Variants in SNX29 observed in about 807,000 individuals in gnomAD.
SNX29 encodes the protein sorting nexin 29.
A neutral mutation model predicts 102.1 loss-of-function variants in SNX29; 78 were observed. That is an observed-to-expected ratio of 0.76 (90% confidence interval 0.64 to 0.92). SNX29 has a LOEUF of 0.92. Ranked by LOEUF, SNX29 falls within the 40% of genes least tolerant of loss-of-function variation. The probability of loss-of-function intolerance (pLI) is 0.00; values close to 1 mark genes in which losing one functional copy is unlikely to be tolerated. For missense variants in SNX29, 1,280 were observed against 1,061.7 expected (o/e 1.21, Z -2.86); for synonymous variants, 580 against 414.5 (o/e 1.40, Z -4.85).
intron 7 of SNX29, among the ~76,000 whole-genome samples, chr16:12,049,736 G>C (rs1400018417): frequency 1.3e-5 from 2 of 151,762 alleles, no homozygotes; most frequent in Non-Finnish European, 2.9e-5. Flanking sequence ...GATTCCTTTG[G>C]GACATTAAGA....
intron 18 of SNX29, among the ~76,000 whole-genome samples, chr16:12,476,365 A>T (rs2087597002): frequency 4.9e-5 from 1 of 20,506 alleles, no homozygotes; most frequent in African/African-American, 1.7e-4. Context: ...AAAAAAAAAA[A>T]AAAAAAAAAA....
chr16:12,161,995 C>A (rs1567265806), intron 13 of SNX29, among the ~76,000 whole-genome samples: 2 of 152,298 alleles, frequency 1.3e-5, no homozygotes, highest in African/African-American at 4.8e-5. Flanking sequence ...TGTCGGCCCC[C>A]GAATCCCTCA....
intron 19 of SNX29, among the ~76,000 whole-genome samples, chr16:12,522,667 GTGCCTGA>G (rs2090144683): frequency 6.6e-6 from 1 of 152,148 alleles, no homozygotes; most frequent in South Asian, 2.1e-4. Context: ...CACGTAAGAT[GTGCCTGA>G]GTCCCCTTTG....
intron 16 of SNX29, chr16:12,375,614 C>G (rs1457270287): frequency 1.3e-5 from 2 of 152,232 alleles, no homozygotes; most frequent in African/African-American, 2.4e-5. Context: ...CAGTTACTCT[C>G]CAGCTGTTGA....
At chr16:12,170,393 A>C (rs1242263643) in intron 13 of SNX29, among the ~76,000 whole-genome samples, 5 of 152,006 alleles carry the variant, frequency 3.3e-5, no homozygotes, top group Non-Finnish European at 5.9e-5. Context: ...ATCCAGACCC[A>C]TGGAGCAAAG....
intron 13 of SNX29, among the ~76,000 whole-genome samples, chr16:12,175,365 GGGCATGGT>G (rs1225275877): frequency 1.3e-5 from 2 of 152,084 alleles, no homozygotes; most frequent in African/African-American, 4.8e-5. Context: ...GGGGCTGGCC[GGGCATGGT>G]GGATCATGCC....
chr16:12,319,324 C>T (rs1156965593), intron 15 of SNX29, among the ~76,000 whole-genome samples: 1 of 152,062 alleles, frequency 6.6e-6, no homozygotes, highest in Non-Finnish European at 1.5e-5. Context: ...CAACATAGAC[C>T]GTCTCTACAA....
chr16:12,531,328 C>G (rs527866970), intron 20 of SNX29, among the ~76,000 whole-genome samples: 23 of 152,358 alleles, frequency 1.5e-4, no homozygotes, highest in African/African-American at 4.1e-4. Flanking sequence ...GGTGTGTGAA[C>G]TCAGGGCTGT....
chr16:12,540,063 CT>C (rs1567675673), intron 20 of SNX29, among the ~76,000 whole-genome samples: 6 of 152,178 alleles, frequency 3.9e-5, no homozygotes, highest in Non-Finnish European at 5.9e-5. Context: ...CCAGATCATG[CT>C]TTTGGTGTCA....
chr16:12,109,653 T>C (rs1234452018), intron 11 of SNX29, among the ~76,000 whole-genome samples: 1 of 151,948 alleles, frequency 6.6e-6, no homozygotes, highest in Non-Finnish European at 1.5e-5. Context: ...ACATGGTGAG[T>C]AGGGGATGCC....
At position 12,374,214 on chromosome 16, in the gene SNX29, G is replaced by A. The variant is rs750625362; in HGVS notation, c.1899+17935G>A. ...TGGATGCTAATAGTGTCTTCCCTAC[G>A]CCAGGGACTGACCTAGGCATCAGGG... On this transcript the variant is annotated intron_variant, in intron 16 of 20. Coordinates refer to ENST00000566228, the MANE Select transcript of SNX29 (RefSeq NM_032167.5). The A allele has an allele frequency of 5.9e-5, 9 of 152,220 alleles. No homozygotes were observed. The South Asian group carries it at 6.2e-4, about 11-fold the overall frequency. 9.4% of individuals were successfully genotyped at this position (152,220 alleles called of 1,614,324 possible).
chr16:12,464,001 A>G (rs1223942010), intron 18 of SNX29, among the ~76,000 whole-genome samples: 2 of 152,036 alleles, frequency 1.3e-5, no homozygotes, highest in Non-Finnish European at 2.9e-5. Context: ...GACCAACATC[A>G]CCTATCTCCC....
chr16:12,562,909 G>C (rs1382924165), intron 20 of SNX29, among the ~76,000 whole-genome samples: 1 of 152,162 alleles, frequency 6.6e-6, no homozygotes, highest in Non-Finnish European at 1.5e-5. Context: ...ATGTGCTTGA[G>C]ATTCGTCCAT....
chr16:12,490,517 A>G (rs1302110449), intron 19 of SNX29, among the ~76,000 whole-genome samples: 1 of 152,242 alleles, frequency 6.6e-6, no homozygotes, highest in East Asian at 1.9e-4. Context: ...CAATTCTTAC[A>G]TACTTCTTCT....
chr16:12,479,685 G>T (rs555959005), intron 19 of SNX29, among the ~76,000 whole-genome samples: 9 of 152,152 alleles, frequency 5.9e-5, no homozygotes, highest in Non-Finnish European at 1.3e-4. Context: ...TACAAATCTT[G>T]GGAGTTATTC....
intron 20 of SNX29, among the ~76,000 whole-genome samples, chr16:12,564,554 C>A (rs919833589): frequency 6.6e-6 from 1 of 152,144 alleles, no homozygotes; most frequent in South Asian, 2.1e-4. Context: ...CTTTGGCAAC[C>A]CATTCTTATG....
In SNX29 at chr16:12,265,221, G is replaced by A. The variant is rs182962700; in HGVS notation, c.1679-12712G>A. Reference sequence around the variant, plus strand: ...CTCTGTCTGGCACAGCTGTCCGCATGTTTTATTCCAGCAAAGAAGTTTTCA... The same window carrying A: ...CTCTGTCTGGCACAGCTGTCCGCATATTTTATTCCAGCAAAGAAGTTTTCA... On this transcript the variant is annotated intron_variant, in intron 14 of 20. Transcript: ENST00000566228. 4.2e-4 allele frequency among the ~76,000 whole-genome samples: 64 copies of A among 152,306 alleles called. 1 individual carries two copies. Among genetic ancestry groups the A allele is most frequent in the Admixed American group, 3.6e-3 (55 of 15,294 alleles).
At chr16:12,160,332 A>G (rs558001694) in intron 13 of SNX29, among the ~76,000 whole-genome samples, 1 of 152,226 alleles carries the variant, frequency 6.6e-6, no homozygotes, top group Admixed American at 6.5e-5. Flanking sequence ...TAGATTCAGG[A>G]TCTTTCAGCC....
chr16:12,317,274 G>A (rs962943352), intron 15 of SNX29, among the ~76,000 whole-genome samples: 2 of 152,204 alleles, frequency 1.3e-5, no homozygotes, highest in African/African-American at 4.8e-5. Flanking sequence ...CTTGGGTGCA[G>A]GGACCTTCGC....
Sources: allele counts gnomAD v4.1 joint callset (sites outside exome capture counted in the v4.1 genomes callset), GRCh38; gene constraint gnomAD v4.1.1; transcripts MANE v1.5; gene names NCBI Gene and HGNC (gene_info 2026-07-23, HGNC 2026-07-21).